Variants in TPR observed in about 807,000 individuals in gnomAD.
The protein encoded by TPR is nucleoprotein TPR.
A neutral mutation model predicts 316.1 loss-of-function variants in TPR; 51 were observed. The observed-to-expected ratio is 0.16, with a 90% confidence interval of 0.13 to 0.20. The LOEUF (loss-of-function observed/expected upper bound fraction) is 0.20. Among genes scored for constraint, TPR ranks in the 10% least tolerant of loss-of-function variants. The pLI is 1.00. For synonymous variants in TPR, 981 were observed against 914.7 expected (o/e 1.07, Z -1.31); for missense variants, 2,272 against 2,754.8 (o/e 0.82, Z 3.92).
chr1:186,324,094 T>A (rs2102054685), intron 42 of TPR, among the ~76,000 whole-genome samples: 2 of 152,280 alleles, frequency 1.3e-5, no homozygotes, highest in East Asian at 3.9e-4. Flanking sequence ...TTAACCTCTT[T>A]GAGTCTATTT....
In TPR at chr1:186,360,103, G is replaced by A. The variant is rs12093440; in HGVS notation, c.1192-107C>T. ...TTTAACACTAACACAAAATGGCAAT[G>A]TTTACTATGTTAGTTACACAGCACT... On this transcript the variant is annotated intron_variant, in intron 11 of 50. Transcript: ENST00000367478. 46 of 1,337,216 alleles carry A rather than the reference G, an allele frequency of 3.4e-5. No individual in the cohort carries two copies. In the East Asian group the frequency reaches 1.0e-3, roughly 29 times the overall value. 82.8% of individuals were successfully genotyped at this position (1,337,216 alleles called of 1,614,324 possible). A position where few individuals can be genotyped will look rare whatever the true frequency, so the allele number is the denominator to read the frequency against.
chr1:186,333,151 G>A lies in TPR; in HGVS notation c.5426C>T (p.Pro1809Leu), dbSNP rs773385978. Residue 1809 changes from proline (P) to leucine (L), a missense_variant, in exon 37 of 51, where the codon CCT (proline) becomes CTT (leucine). By Grantham distance (98) the Pro-to-Leu change is moderately conservative. This residue lies in a region of TPR where 435 missense variants were observed against 461.1 expected (regional missense o/e 0.94). Coordinates refer to ENST00000367478, the MANE Select transcript of TPR (RefSeq NM_003292.3). ...EVVQSSPVER[P>L]STSTAVFGTV... Reference sequence around the variant, plus strand: ...GCCAAATACTGCTGTGGAAGTAGAAGGCCGCTCAACTGGTGAACTCTGAAC... The same window carrying A: ...GCCAAATACTGCTGTGGAAGTAGAAAGCCGCTCAACTGGTGAACTCTGAAC... The A allele has an allele frequency of 5.6e-6, 9 of 1,613,288 alleles. No homozygotes were observed. The Admixed American group carries it at 1.3e-4, about 24-fold the overall frequency.
intron 21 of TPR, among the ~76,000 whole-genome samples, 156 bp from the exon 22 acceptor site, chr1:186,347,614 CTTTG>C (rs1355023360): frequency 6.6e-6 from 1 of 152,164 alleles, no homozygotes; most frequent in Non-Finnish European, 1.5e-5. Context: ...AAAGCAGGTA[CTTTG>C]TTATGTTACT....
intron 14 of TPR, 187 bp from the exon 15 acceptor site, chr1:186,356,636 C>T: frequency 2.0e-6 from 1 of 510,038 alleles, no homozygotes; most frequent in Non-Finnish European, 3.4e-6. Flanking sequence ...GACTCAGGTA[C>T]TTATACTTAC....
In TPR at chr1:186,374,905, G is replaced by A; in HGVS notation, c.124C>T (p.Arg42Trp). Residue 42 changes from arginine to tryptophan, a missense_variant, in exon 1 of 51, where the codon CGG (arginine) becomes TGG (tryptophan). This residue lies in a region of TPR where 549 missense variants were observed against 598.6 expected (regional missense o/e 0.92). Coordinates refer to ENST00000367478, the MANE Select transcript of TPR (RefSeq NM_003292.3). ...CTCTCCACCTTAAATTTCTCATGCCGCCCCTTCAGGCCATCGATCTCGGAT... is the reference window on the plus strand; with the variant it reads ...CTCTCCACCTTAAATTTCTCATGCCACCCCTTCAGGCCATCGATCTCGGAT... ...QQSEIDGLKG[R>W]HEKFKVESEQ... is the part of the protein sequence containing the mutation. 6.3e-7 allele frequency: 1 copy of A among 1,598,382 alleles called. No homozygotes were observed. Among genetic ancestry groups the A allele is most frequent in the Non-Finnish European group, 8.6e-7 (1 of 1,167,014 alleles).
chr1:186,327,499 A>G lies in TPR; in HGVS notation c.5850T>C (p.Asp1950=), dbSNP rs1658037413. 1.2e-6 allele frequency: 2 copies of G among 1,610,426 alleles called. No individual in the cohort carries two copies. Among genetic ancestry groups the G allele is most frequent in the Admixed American group, 1.7e-5 (1 of 59,262 alleles). The change falls in exon 40 of 51, where the codon GAT becomes GAC. Residue 1950 remains aspartate, a synonymous_variant. Coordinates refer to ENST00000367478, the MANE Select transcript of TPR (RefSeq NM_003292.3). ...CATTTTCATCATCATCCTCTTCTTC[A>G]TCATCACTGTCAATTACAATGACAT... ...GDDVIVIDSD[D]EEEDDDENDG...
rs778164936 is a variant in TPR, at chr1:186,353,719, C to T, written c.2303G>A (p.Arg768Lys). Residue 768 changes from arginine (R) to lysine (K), a missense_variant, in exon 18 of 51, where the codon AGA becomes AAA. Arg to Lys is a conservative substitution (Grantham distance 26). Transcript: ENST00000367478. ...QIINTMTQDL[R>K]GANEKLAVAE... is the part of the protein sequence containing the mutation. ...GACAGCTAGCTTCTCATTTGCTCCT[C>T]TCAAATCTTGAGTCATCGTATTGAT... The T allele has an allele frequency of 6.2e-7, 1 of 1,614,078 alleles. No individual in the cohort carries two copies. Among genetic ancestry groups the T allele is most frequent in the Non-Finnish European group, 8.5e-7 (1 of 1,180,010 alleles).
Position 186,355,772 on chromosome 1 carries a change from C to T in TPR, c.1889-4G>A. ...GAAACATCATCTAAGCTTGAAGCTT[C>T]AGGAAAGTAAAGACTAATAAAATGC... On this transcript the variant is annotated splice_polypyrimidine_tract_variant and splice_region_variant and intron_variant, in intron 15 of 50. Coordinates refer to ENST00000367478, the MANE Select transcript of TPR (RefSeq NM_003292.3). 6.2e-7 allele frequency: 1 copy of T among 1,613,126 alleles called. No individual in the cohort carries two copies. The highest frequency in any genetic ancestry group is 1.3e-5 in the African/African-American group (1 of 74,960).
rs2102060357 is a variant in TPR, at chr1:186,327,686, G to C, written c.5689-26C>G. The C allele has an allele frequency of 1.9e-6, 3 of 1,597,956 alleles. No homozygotes were observed. The South Asian group carries it at 3.3e-5, about 18-fold the overall frequency. ...CTTTAAAAATAAAAAAGTTAAAAAA[G>C]AATTAAGAGCCCTATAAACATACCT... On this transcript the variant is annotated intron_variant, in intron 39 of 50. Transcript: ENST00000367478.
intron 49 of TPR, among the ~76,000 whole-genome samples, chr1:186,316,240 C>T (rs78007141): frequency 0.019 from 2,816 of 152,000 alleles, 82 homozygotes; most frequent in African/African-American, 0.064. Flanking sequence ...AGCCTTACTG[C>T]GTATGAAATG....
Position 186,311,819 on chromosome 1 carries a change from T to C in TPR, c.*2152A>G, listed in dbSNP as rs1657261988. 3 of 601,608 alleles carry C rather than the reference T, an allele frequency of 5.0e-6. No homozygotes were observed. The highest frequency in any genetic ancestry group is 2.0e-5 in the South Asian group (1 of 49,052). 37.3% of individuals were successfully genotyped at this position (601,608 alleles called of 1,614,324 possible). On this transcript the variant is annotated 3_prime_UTR_variant, in exon 51 of 51. Transcript: ENST00000367478. ...TTCATTTGAGTTTTCAGGTCACTGATAGAATGTCATTTACTTTCGCTTCAC... is the reference window on the plus strand; with the variant it reads ...TTCATTTGAGTTTTCAGGTCACTGACAGAATGTCATTTACTTTCGCTTCAC...
chr1:186,355,291 T>G, intron 17 of TPR, 119 bp downstream of exon 17: 1 of 1,056,530 alleles, frequency 9.5e-7, no homozygotes, highest in African/African-American at 1.6e-5. Context: ...AGGTTCTCAT[T>G]CTGGAACACA....
Position 186,362,823 on chromosome 1 carries a change from T to C in TPR, c.696+14A>G. On this transcript the variant is annotated intron_variant, in intron 6 of 50. Transcript: ENST00000367478. ...ATACTCAACATGAAGAAAAACACAA[T>C]TTTACTAACTTACCTCTTCTTTTTT... 1.3e-6 allele frequency: 2 copies of C among 1,574,836 alleles called. No individual in the cohort carries two copies. Among genetic ancestry groups the C allele is most frequent in the Non-Finnish European group, 1.7e-6 (2 of 1,166,714 alleles).
At position 186,357,458 on chromosome 1, in the gene TPR, C is replaced by T. The variant is rs1659062475; in HGVS notation, c.1663G>A (p.Val555Met). Residue 555 changes from valine to methionine, a missense_variant, in exon 14 of 51, where the codon GTG becomes ATG. Transcript: ENST00000367478. ...GTTTCCCCAAGCTCTCTAAGGGCCA[C>T]TAAGAGACGTTGATTTTGTTGTTGA... ...ELQQQNQRLL[V>M]ALRELGETRE... 3 of 1,613,908 alleles carry T rather than the reference C, an allele frequency of 1.9e-6. No homozygotes were observed. The highest frequency in any genetic ancestry group is 2.5e-6 in the Non-Finnish European group (3 of 1,180,010).
Position 186,367,964 on chromosome 1 carries a change from T to C in TPR, c.349A>G (p.Lys117Glu). The part of the protein sequence containing the change: ...IAIQSQFTRT[K>E]EELEAEKRDL... Reference sequence around the variant, plus strand: ...CTTTTCTCAGCTTCTAATTCTTCCTTTGTTCTTGTAAATTGGCTCTGTCAT... The same window carrying C: ...CTTTTCTCAGCTTCTAATTCTTCCTCTGTTCTTGTAAATTGGCTCTGTCAT... The change falls in exon 4 of 51, where the codon AAG becomes GAG. Residue 117 changes from lysine to glutamate, a missense_variant. Around this residue, in one of 10 missense-constraint regions of TPR, gnomAD observed 549 missense variants for 598.6 expected, o/e 0.92. Coordinates refer to ENST00000367478, the MANE Select transcript of TPR (RefSeq NM_003292.3). The C allele has an allele frequency of 6.2e-7, 1 of 1,610,268 alleles. No homozygotes were observed. Among genetic ancestry groups the C allele is most frequent in the South Asian group, 1.1e-5 (1 of 91,022 alleles).
Position 186,313,650 on chromosome 1 carries a change from TAACTA to T in TPR, c.*316_*320del. 1 of 1,358,442 alleles carries T rather than the reference TAACTA, an allele frequency of 7.4e-7. No individual in the cohort carries two copies. The allele number at this position is 1,358,442 out of a possible 1,614,324, so 84.1% of individuals were successfully genotyped here. A position where few individuals can be genotyped will look rare whatever the true frequency, so the allele number is the denominator to read the frequency against. ...TTTAGTTTGGGCATTGTTTTCTTTT[TAACTA>T]AAAAAATGTTTTCTCTTCCATTTAG... is the stretch of plus-strand genomic sequence containing the variant. On this transcript the variant is annotated 3_prime_UTR_variant, in exon 51 of 51. Transcript: ENST00000367478.
At chr1:186,331,460 A>G (rs1658163793) in intron 39 of TPR, 38 bp downstream of exon 39, 2 of 1,459,076 alleles carry the variant, frequency 1.4e-6, no homozygotes, top group African/African-American at 2.9e-5. Flanking sequence ...CATTCACGAA[A>G]AGCAACGGTG....
At chr1:186,361,898 C>T in intron 7 of TPR, 29 bp from the exon 8 acceptor site, 1 of 1,593,170 alleles carries the variant, frequency 6.3e-7, no homozygotes, top group Non-Finnish European at 8.6e-7. Context: ...TTATAGCAGT[C>T]TACTTTGAAC....
At chr1:186,354,647 C>G (rs1218760524) in intron 17 of TPR, among the ~76,000 whole-genome samples, 2 of 152,158 alleles carry the variant, frequency 1.3e-5, no homozygotes, top group African/African-American at 4.8e-5. Context: ...AACTAACAAG[C>G]ATTCAATGAA....
Sources: gnomAD v4.1 joint callset for allele counts (sites outside exome capture counted in the v4.1 genomes callset) on GRCh38, gnomAD v4.1.1 for gene constraint, gnomAD v4.1.1 regional missense constraint, MANE v1.5 for transcripts, NCBI Gene and HGNC (gene_info 2026-07-23, HGNC 2026-07-21) for gene names.